AVL9: variants seen among roughly 807,000 people sequenced by gnomAD.
The protein encoded by AVL9 is AVL9 cell migration associated, also known as late secretory pathway protein AVL9 homolog.
In AVL9, 49 loss-of-function variants were observed where a neutral mutation model predicts 79.2. The ratio of observed to expected loss-of-function variants is 0.62; its 90% CI spans 0.49 to 0.79. The LOEUF (loss-of-function observed/expected upper bound fraction) is 0.79, where lower values mean the gene tolerates loss of function less well. Ranked by LOEUF, AVL9 falls within the 30% of genes least tolerant of loss-of-function variation. The pLI, the probability that AVL9 is intolerant of heterozygous loss-of-function variation, is 0.00. For synonymous variants in AVL9, 299 were observed against 280.6 expected, an observed-to-expected ratio of 1.07 and a Z score of -0.65; for missense variants, 682 against 776.8, an observed-to-expected ratio of 0.88 and a Z score of 1.45.
intron 6 of AVL9, 60 bp downstream of exon 6, chr7:32,552,355 G>A (rs1021319347): frequency 3.8e-6 from 4 of 1,045,778 alleles, no homozygotes; most frequent in East Asian, 2.4e-5. Context: ...TTAGCAAACT[G>A]AGTTGCGTGT....
In AVL9 at chr7:32,573,390, T is replaced by G; in HGVS notation, c.1542T>G (p.His514Gln). 1 of 1,613,862 alleles carries G rather than the reference T, an allele frequency of 6.2e-7. No homozygotes were observed. Reference sequence around the variant, plus strand: ...GGGCCCAGTTTGCGGTCTACATTCATGCCCTGCTGGCTGCCACACTGCAAT... The same window carrying G: ...GGGCCCAGTTTGCGGTCTACATTCAGGCCCTGCTGGCTGCCACACTGCAAT... ...WIRAQFAVYIHALLAATLQLD... is the reference protein window; with the variant it reads ...WIRAQFAVYIQALLAATLQLD... Residue 514 changes from histidine (H) to glutamine (Q), a missense_variant, in exon 12 of 16, where the codon CAT becomes CAG. By Grantham distance (24) the His-to-Gln change is conservative. Transcript: ENST00000318709.
chr7:32,561,837 T>C (rs1167782736), intron 10 of AVL9, among the ~76,000 whole-genome samples: 1 of 152,224 alleles, frequency 6.6e-6, no homozygotes, highest in Admixed American at 6.5e-5. Flanking sequence ...TGTGAGACTC[T>C]TACTTAAACA....
chr7:32,570,248 A>G, intron 11 of AVL9, 94 bp downstream of exon 11: 1 of 1,486,300 alleles, frequency 6.7e-7, no homozygotes, highest in Non-Finnish European at 9.3e-7. Context: ...AACATTAGTA[A>G]TGATAATAAC....
intron 1 of AVL9, among the ~76,000 whole-genome samples, chr7:32,519,664 A>T (rs569495362): frequency 6.6e-6 from 1 of 152,326 alleles, no homozygotes; most frequent in East Asian, 1.9e-4. Flanking sequence ...GAAGTAAAAA[A>T]GTATAAAAGA....
At chr7:32,521,741 G>A (rs991935070) in intron 1 of AVL9, among the ~76,000 whole-genome samples, 2 of 152,112 alleles carry the variant, frequency 1.3e-5, no homozygotes, top group African/African-American at 2.4e-5. Flanking sequence ...AGACCATGGG[G>A]AAGATGTCTC....
At chr7:32,520,370 A>T (rs1719869100) in intron 1 of AVL9, among the ~76,000 whole-genome samples, 1 of 152,192 alleles carries the variant, frequency 6.6e-6, no homozygotes, top group East Asian at 1.9e-4. Context: ...AATGCTACTG[A>T]ATGAAAGAGC....
At chr7:32,533,306 CAAG>C (rs1273007414) in intron 1 of AVL9, 1 of 151,890 alleles carries the variant, frequency 6.6e-6, no homozygotes, top group Non-Finnish European at 1.5e-5. Flanking sequence ...GACTGTGTCT[CAAG>C]AAAAATAAAA....
At chr7:32,499,652 A>ATG (rs1787029446) in intron 1 of AVL9, among the ~76,000 whole-genome samples, 1 of 152,132 alleles carries the variant, frequency 6.6e-6, no homozygotes, top group Non-Finnish European at 1.5e-5. Context: ...ATAGGTATAC[A>ATG]TGTGCCATGG....
chr7:32,541,174 T>G (rs1789187800), intron 1 of AVL9, among the ~76,000 whole-genome samples: 1 of 152,092 alleles, frequency 6.6e-6, no homozygotes, highest in Admixed American at 6.6e-5. Context: ...GTGCTGGGAT[T>G]ACAGGCGTGA....
intron 6 of AVL9, among the ~76,000 whole-genome samples, chr7:32,553,282 T>C (rs1239181790): frequency 1.3e-5 from 2 of 152,250 alleles, no homozygotes; most frequent in Non-Finnish European, 2.9e-5. Context: ...TAATCATTGA[T>C]TGCCACTATA....
intron 1 of AVL9, among the ~76,000 whole-genome samples, chr7:32,512,765 T>G (rs1470619771): frequency 6.6e-6 from 1 of 152,190 alleles, no homozygotes; most frequent in Non-Finnish European, 1.5e-5. Flanking sequence ...GGATGGCAGA[T>G]AAGAAACAAC....
At chr7:32,516,405 G>T (rs2128121050) in intron 1 of AVL9, among the ~76,000 whole-genome samples, 1 of 152,160 alleles carries the variant, frequency 6.6e-6, no homozygotes, top group South Asian at 2.1e-4. Context: ...GCTTCTCTGG[G>T]CATTTGCGTG....
intron 1 of AVL9, among the ~76,000 whole-genome samples, chr7:32,523,150 CAAAAAAAAAAA>C (rs59565422): frequency 1.2e-5 from 1 of 81,282 alleles, no homozygotes; most frequent in Non-Finnish European, 2.4e-5. Flanking sequence ...GGTAATTAAC[CAAAAAAAAAAA>C]AAAAAAAAAA....
chr7:32,545,364 C>CTTTTTTTTT (rs10610945), intron 3 of AVL9, among the ~76,000 whole-genome samples: 25 of 73,350 alleles, frequency 3.4e-4, no homozygotes, highest in Admixed American at 4.7e-4. Flanking sequence ...TCTAAGATTT[C>CTTTTTTTTT]TTTTTTTTTT....
chr7:32,542,246 T>G (rs1427828456), intron 1 of AVL9, among the ~76,000 whole-genome samples: 13 of 148,956 alleles, frequency 8.7e-5, no homozygotes, highest in Admixed American at 3.4e-4. Context: ...CCTTTAGAAA[T>G]AATCACGAAT....
At chr7:32,545,590 G>T (rs909295505) in intron 3 of AVL9, among the ~76,000 whole-genome samples, 3 of 151,700 alleles carry the variant, frequency 2.0e-5, no homozygotes, top group Admixed American at 2.0e-4. Context: ...GGTTGGTCTC[G>T]AACTCCTGAG....
intron 1 of AVL9, among the ~76,000 whole-genome samples, chr7:32,506,609 G>A (rs1320351450): frequency 6.6e-6 from 1 of 152,080 alleles, no homozygotes; most frequent in Non-Finnish European, 1.5e-5. Context: ...ATGACTAACT[G>A]GAGCCATTGA....
chr7:32,574,106 A>G (rs948361434), intron 12 of AVL9, among the ~76,000 whole-genome samples: 11 of 152,190 alleles, frequency 7.2e-5, no homozygotes, highest in African/African-American at 2.7e-4. Flanking sequence ...TTTTTGTTTC[A>G]GTTAACTAAC....
intron 8 of AVL9, 47 bp from the exon 9 acceptor site, chr7:32,558,512 A>G (rs1790183636): frequency 7.3e-7 from 1 of 1,365,952 alleles, no homozygotes. Context: ...ATCATTATGG[A>G]CGGCTTCATG....
Sources: allele counts gnomAD v4.1 joint callset (sites outside exome capture counted in the v4.1 genomes callset), GRCh38; gene constraint gnomAD v4.1.1; transcripts MANE v1.5; gene names NCBI Gene and HGNC (gene_info 2026-07-23, HGNC 2026-07-21).